KIFC1: variants seen among roughly 807,000 people sequenced by gnomAD.
KIFC1 encodes the protein kinesin-like protein KIFC1.
A neutral mutation model predicts 66.6 loss-of-function variants in KIFC1; 37 were observed. The observed-to-expected ratio is 0.56, with a 90% CI of 0.43 to 0.73. The LOEUF (loss-of-function observed/expected upper bound fraction) is 0.73. KIFC1 is among the 30% of genes least tolerant of loss of function. KIFC1 has a pLI of 0.00. For synonymous variants in KIFC1, 325 were observed against 343.5 expected (o/e 0.95, Z 0.60); for missense variants, 721 against 859.8 (o/e 0.84, Z 2.02).
At chr6:33,395,314 G>C (rs1406999021) in intron 1 of KIFC1, among the ~76,000 whole-genome samples, 1 of 152,158 alleles carries the variant, frequency 6.6e-6, no homozygotes, top group Non-Finnish European at 1.5e-5. Flanking sequence ...ATGCCAATTG[G>C]AGTGATGCCA....
chr6:33,409,089 C>G (rs1775782863), intron 10 of KIFC1, among the ~76,000 whole-genome samples: 1 of 152,128 alleles, frequency 6.6e-6, no homozygotes, highest in African/African-American at 2.4e-5. Flanking sequence ...TGGCTTGAAC[C>G]CGGGAGGTGG....
At chr6:33,398,888 CTG>C (rs1421987611) in intron 3 of KIFC1, among the ~76,000 whole-genome samples, 18 of 152,326 alleles carry the variant, frequency 1.2e-4, no homozygotes, top group Non-Finnish European at 2.9e-5. Context: ...CCCAGGGCAA[CTG>C]TGTGTTCTTC....
At position 33,401,472 on chromosome 6, in the gene KIFC1, AT is replaced by A. The variant is rs1775370144; in HGVS notation, c.251-1836del. Among the ~76,000 whole-genome samples the A allele has an allele frequency of 6.6e-6, 1 of 151,780 alleles. No individual in the cohort carries two copies. The highest frequency in any genetic ancestry group is 2.4e-5 in the African/African-American group (1 of 41,292). On this transcript the variant is annotated intron_variant, in intron 3 of 10. Transcript: ENST00000428849. The surrounding 1 kb of genome is among the most constrained non-coding windows in gnomAD (Gnocchi z 4.5). ...TTAATTTAAAATTTTATTTATTTGT[AT>A]TTTTTCCAAGAAATAAGCTTAAATT...
At chr6:33,399,535 A>G (rs1344186056) in intron 3 of KIFC1, among the ~76,000 whole-genome samples, 2 of 152,326 alleles carry the variant, frequency 1.3e-5, no homozygotes, top group African/African-American at 4.8e-5. Context: ...AACCTAGATG[A>G]TCTAGCCTGC....
chr6:33,406,482 A>C lies in KIFC1; in HGVS notation c.1823A>C (p.Asn608Thr). The change falls in exon 8 of 11, where the codon AAC becomes ACC. Residue 608 changes from asparagine to threonine, a missense_variant. Coordinates refer to ENST00000428849, the MANE Select transcript of KIFC1 (RefSeq NM_002263.4). The surrounding 1 kb of genome is among the most constrained non-coding windows in gnomAD (Gnocchi z 4.5). ...TLGLVIMALS[N>T]KESHVPYRNS... is the part of the protein sequence containing the mutation. The stretch of plus-strand genomic sequence containing the variant: ...GGGCTGGTTATCATGGCCCTGAGCA[A>C]CAAGGTGGGAATGGGAGTGGGGTGA... The C allele has an allele frequency of 6.2e-7, 1 of 1,600,226 alleles. No individual in the cohort carries two copies. The highest frequency in any genetic ancestry group is 8.5e-7 in the Non-Finnish European group (1 of 1,171,382).
rs182868148 is a variant in KIFC1, at chr6:33,400,141, A to T, written c.250+1754A>T. The T allele has an allele frequency of 5.7e-4, 634 of 1,117,384 alleles. 1 individual carries two copies. Among genetic ancestry groups the T allele is most frequent in the African/African-American group, 1.4e-3 (94 of 65,356 alleles). 69.2% of individuals were successfully genotyped at this position (1,117,384 alleles called of 1,614,324 possible). ...GTGGTGGCCATCAACATTACAGCCC[A>T]TAGACTGGGCAGTCCCCGGAATCTC... is the stretch of plus-strand genomic sequence containing the variant. On this transcript the variant is annotated intron_variant, in intron 3 of 10. Transcript: ENST00000428849. This position sits in a 1 kb window ranked among gnomAD's most constrained non-coding sequence, Gnocchi z 4.3.
At chr6:33,407,134 C>A in intron 10 of KIFC1, 1 of 1,250,308 alleles carries the variant, frequency 8.0e-7, no homozygotes, top group Non-Finnish European at 1.1e-6. Flanking sequence ...ACTGGTTGGG[C>A]GTAGTAGCTC....
chr6:33,408,065 G>GT lies in KIFC1; in HGVS notation c.1977+1196dup, dbSNP rs150766355. Among the ~76,000 whole-genome samples the GT allele has an allele frequency of 4.7e-3, 714 of 152,290 alleles. 7 individuals are homozygous for GT. The highest frequency in any genetic ancestry group is 0.014 in the Middle Eastern group (4 of 294). On this transcript the variant is annotated intron_variant, in intron 10 of 10. Coordinates refer to ENST00000428849, the MANE Select transcript of KIFC1 (RefSeq NM_002263.4). ...AAGTTCAATTTTAGAGGGTGGTGATGTTTTTTCTAACTTTTTATTAATGTT... is the reference window on the plus strand; with the variant it reads ...AAGTTCAATTTTAGAGGGTGGTGATGTTTTTTTCTAACTTTTTATTAATGTT...
Position 33,398,234 on chromosome 6 carries a change from G to C in KIFC1, c.151-54G>C. The C allele has an allele frequency of 2.5e-6, 4 of 1,613,476 alleles. No individual in the cohort carries two copies. In the South Asian group the frequency reaches 4.4e-5, roughly 18 times the overall value. ...GTGTGTGTGAAAGAAAGGAGAGAGA[G>C]AGTATAAACCATTAGGGAGGGTGAC... On this transcript the variant is annotated intron_variant, in intron 2 of 10. Coordinates refer to ENST00000428849, the MANE Select transcript of KIFC1 (RefSeq NM_002263.4).
At chr6:33,397,477 T>A (rs1775115693) in intron 1 of KIFC1, among the ~76,000 whole-genome samples, 1 of 151,926 alleles carries the variant, frequency 6.6e-6, no homozygotes, top group South Asian at 2.1e-4. Flanking sequence ...TTTGTATTTT[T>A]AGTAGAGACG....
chr6:33,397,846 T>C (rs1481303079), intron 1 of KIFC1, among the ~76,000 whole-genome samples, 183 bp from the exon 2 acceptor site: 1 of 152,194 alleles, frequency 6.6e-6, no homozygotes, highest in African/African-American at 2.4e-5. Context: ...CTAGAGGTTA[T>C]TCCCACTTTT....
Position 33,400,026 on chromosome 6 carries a change from A to G in KIFC1, c.250+1639A>G. 3 of 666,806 alleles carry G rather than the reference A, an allele frequency of 4.5e-6. No individual in the cohort carries two copies. The highest frequency in any genetic ancestry group is 8.1e-6 in the Non-Finnish European group (3 of 371,974). The allele number at this position is 666,806 out of a possible 1,614,324, so 41.3% of individuals were successfully genotyped here. ...ACTTTTTTTTTTCGACCAGTTGTCA[A>G]ATGATCCTTTATTGAAATATTTTCC... On this transcript the variant is annotated intron_variant, in intron 3 of 10. Coordinates refer to ENST00000428849, the MANE Select transcript of KIFC1 (RefSeq NM_002263.4). This position sits in a 1 kb window ranked among gnomAD's most constrained non-coding sequence, Gnocchi z 4.3.
Position 33,391,947 on chromosome 6 carries a change from C to T in KIFC1, c.-39C>T, listed in dbSNP as rs375216142. 4 of 1,613,684 alleles carry T rather than the reference C, an allele frequency of 2.5e-6. No homozygotes were observed. Among genetic ancestry groups the T allele is most frequent in the Non-Finnish European group, 8.5e-7 (1 of 1,179,772 alleles). ...AGGATCCCCGGCACCCAGTTCTCTTCCACTGCATTCCCCCGGCGCGTGTGG... is the reference window on the plus strand; with the variant it reads ...AGGATCCCCGGCACCCAGTTCTCTTTCACTGCATTCCCCCGGCGCGTGTGG... On this transcript the variant is annotated 5_prime_UTR_variant, in exon 1 of 11. Coordinates refer to ENST00000428849, the MANE Select transcript of KIFC1 (RefSeq NM_002263.4).
At position 33,403,947 on chromosome 6, in the gene KIFC1, T is replaced by C. The variant is rs1440797460; in HGVS notation, c.574T>C (p.Leu192=). The change falls in exon 6 of 11, where the codon TTA becomes CTA. Residue 192 remains leucine, a synonymous_variant. Coordinates refer to ENST00000428849, the MANE Select transcript of KIFC1 (RefSeq NM_002263.4). The surrounding 1 kb of genome is among the most constrained non-coding windows in gnomAD (Gnocchi z 4.6). The part of the protein sequence containing the change: ...GTERTTLEGH[L]AKVQAQAEQG... ...AGAGCGCACAACACTGGAGGGGCATTTAGCCAAGGTACAGGCCCAGGCTGA... is the reference window on the plus strand; with the variant it reads ...AGAGCGCACAACACTGGAGGGGCATCTAGCCAAGGTACAGGCCCAGGCTGA... The C allele has an allele frequency of 1.2e-6, 2 of 1,614,096 alleles. No homozygotes were observed. The highest frequency in any genetic ancestry group is 2.2e-5 in the East Asian group (1 of 44,902).
At chr6:33,407,433 C>G (rs960357336) in intron 10 of KIFC1, among the ~76,000 whole-genome samples, 3 of 152,092 alleles carry the variant, frequency 2.0e-5, no homozygotes, top group Non-Finnish European at 4.4e-5. Flanking sequence ...CAAAAAATCC[C>G]TAAGATTCCT....
Position 33,403,782 on chromosome 6 carries a change from T to C in KIFC1, c.409T>C (p.Trp137Arg). Residue 137 changes from tryptophan (W) to arginine (R), a missense_variant, in exon 6 of 11, where the codon TGG becomes CGG. Trp to Arg is a moderately radical substitution (Grantham distance 101). Transcript: ENST00000428849. This position sits in a 1 kb window ranked among gnomAD's most constrained non-coding sequence, Gnocchi z 4.6. ...GGKKPSKRPA[W>R]DLKGQLCDLN... is the part of the protein sequence containing the mutation. ...GAAGAAACCCAGCAAACGTCCAGCC[T>C]GGGACTTAAAGGGTCAGTTATGTGA... 1 of 1,614,190 alleles carries C rather than the reference T, an allele frequency of 6.2e-7. No individual in the cohort carries two copies. The highest frequency in any genetic ancestry group is 8.5e-7 in the Non-Finnish European group (1 of 1,180,026).
chr6:33,396,190 C>T (rs367943729), intron 1 of KIFC1, among the ~76,000 whole-genome samples: 10 of 152,140 alleles, frequency 6.6e-5, no homozygotes, highest in African/African-American at 1.7e-4. Flanking sequence ...CACTGTATCA[C>T]GGGTAGCTCA....
intron 2 of KIFC1, 46 bp downstream of exon 2, chr6:33,398,212 T>C (rs1670667870): frequency 6.2e-7 from 1 of 1,613,776 alleles, no homozygotes; most frequent in Admixed American, 1.7e-5. Context: ...GGGGTGTGTG[T>C]GTGTGAAAGA....
At position 33,401,244 on chromosome 6, in the gene KIFC1, C is replaced by G. The variant is rs1348629163; in HGVS notation, c.251-2070C>G. 6.6e-6 allele frequency among the ~76,000 whole-genome samples: 1 copy of G among 152,002 alleles called. No homozygotes were observed. Among genetic ancestry groups the G allele is most frequent in the Non-Finnish European group, 1.5e-5 (1 of 68,002 alleles). On this transcript the variant is annotated intron_variant, in intron 3 of 10. Transcript: ENST00000428849. This position sits in a 1 kb window ranked among gnomAD's most constrained non-coding sequence, Gnocchi z 4.5. ...CCGCCTCCTGGGTTCAAGTGATTCT[C>G]CTGCCTCAGCCTCCCGAGTAGCTGG...
Sources: gnomAD v4.1 joint callset for allele counts (sites outside exome capture counted in the v4.1 genomes callset) on GRCh38, gnomAD v4.1.1 for gene constraint, Gnocchi (gnomAD v3.1) non-coding constraint, MANE v1.5 for transcripts, NCBI Gene and HGNC (gene_info 2026-07-23, HGNC 2026-07-21) for gene names.